Variants in PDE1C observed in about 807,000 individuals in gnomAD.
PDE1C encodes phosphodiesterase 1C.
PDE1C carries 62 observed loss-of-function variants against 93.1 expected under a neutral mutation model. The ratio of observed to expected loss-of-function variants is 0.67; its 90% CI spans 0.54 to 0.82. The LOEUF (loss-of-function observed/expected upper bound fraction) is 0.82, where lower values mean the gene tolerates loss of function less well. PDE1C is among the 40% of genes least tolerant of loss of function. PDE1C has a pLI of 0.00. For synonymous variants in PDE1C, 325 were observed against 310.1 expected, an observed-to-expected ratio of 1.05 and a Z score of -0.50; for missense variants, 742 against 884.6, an observed-to-expected ratio of 0.84 and a Z score of 2.04.
chr7:31,719,357 T>A, the PDE1C span, among the ~76,000 whole-genome samples: 9 of 152,218 alleles, frequency 5.9e-5, no homozygotes, highest in African/African-American at 2.2e-4. Flanking sequence ...GACAGCTGCC[T>A]GTCCTGTGAG....
intron 2 of PDE1C, among the ~76,000 whole-genome samples, chr7:32,010,606 A>C (rs189635561): frequency 3.9e-4 from 59 of 152,334 alleles, no homozygotes; most frequent in Admixed American, 1.3e-3. Context: ...CTGCCATAGA[A>C]AAGTATCACA....
At chr7:31,691,349 T>C in the PDE1C span, among the ~76,000 whole-genome samples, 2 of 152,236 alleles carry the variant, frequency 1.3e-5, no homozygotes, top group Non-Finnish European at 2.9e-5. Context: ...ATCTGCATGC[T>C]GGTTGTCAAG....
At chr7:32,340,932 T>A (rs1562681999) in intron 1 of PDE1C, among the ~76,000 whole-genome samples, 1 of 152,130 alleles carries the variant, frequency 6.6e-6, no homozygotes, top group Non-Finnish European at 1.5e-5. Context: ...TAGATACATG[T>A]CAGTATACAT....
chr7:31,924,008 C>T (rs1029476072), intron 2 of PDE1C, among the ~76,000 whole-genome samples: 1 of 152,100 alleles, frequency 6.6e-6, no homozygotes, highest in Non-Finnish European at 1.5e-5. Context: ...CTGTGTAGCT[C>T]TGGTTTGAAA....
At chr7:31,643,291 C>G in the PDE1C span, 1 of 1,613,820 alleles carries the variant, frequency 6.2e-7, no homozygotes, top group Non-Finnish European at 8.5e-7. Flanking sequence ...AAGCTCATCA[C>G]AGTGTATCCC....
At chr7:32,162,711 T>G (rs1332602796) in intron 3 of PDE1C, among the ~76,000 whole-genome samples, 5 of 152,132 alleles carry the variant, frequency 3.3e-5, no homozygotes, top group Admixed American at 3.3e-4. Context: ...TGGGTTCCTC[T>G]GGGATGCACA....
chr7:31,891,135 T>C (rs187725977), intron 2 of PDE1C, among the ~76,000 whole-genome samples: 42 of 152,270 alleles, frequency 2.8e-4, no homozygotes, highest in African/African-American at 9.4e-4. Context: ...GTTTCCAAGA[T>C]TGTCACAGAA....
chr7:32,222,691 C>G (rs1455343480), intron 1 of PDE1C, among the ~76,000 whole-genome samples: 2 of 152,130 alleles, frequency 1.3e-5, no homozygotes, highest in Non-Finnish European at 2.9e-5. Context: ...TCTCCAGGGT[C>G]GCATGAATGC....
chr7:31,694,419 TTTAATA>T, the PDE1C span, among the ~76,000 whole-genome samples: 13 of 93,668 alleles, frequency 1.4e-4, no homozygotes, highest in East Asian at 4.4e-4. Flanking sequence ...CACACACAGA[TTTAATA>T]TTAATATTAT....
At chr7:32,373,981 A>G (rs1057261389) in intron 1 of PDE1C, among the ~76,000 whole-genome samples, 2 of 150,938 alleles carry the variant, frequency 1.3e-5, no homozygotes, top group Admixed American at 6.6e-5. Flanking sequence ...TAGGCAACAG[A>G]GTGAGACTCT....
chr7:32,326,332 T>C (rs558271793), intron 1 of PDE1C, among the ~76,000 whole-genome samples: 1 of 152,216 alleles, frequency 6.6e-6, no homozygotes, highest in East Asian at 1.9e-4. Context: ...ATATGGATGG[T>C]TTTTAAAGCC....
chr7:31,622,275 T>C, the PDE1C span, among the ~76,000 whole-genome samples: 1 of 125,034 alleles, frequency 8.0e-6, no homozygotes, highest in African/African-American at 2.9e-5. Context: ...TCTACAGAAC[T>C]CTCCACCCCA....
intron 9 of PDE1C, among the ~76,000 whole-genome samples, chr7:31,846,233 C>CTT (rs371624212): frequency 2.3e-4 from 30 of 129,954 alleles, no homozygotes; most frequent in Admixed American, 3.1e-4. Flanking sequence ...CTTTTTTTTT[C>CTT]TTTTTTTTTT....
rs1563202779 is a variant in PDE1C at position 32,019,149 on chromosome 7, T to TA, written c.128+32404_128+32405insT. Among the ~76,000 whole-genome samples, 595 of 145,932 alleles carry TA rather than the reference T, an allele frequency of 4.1e-3. 3 individuals are homozygous for TA. The highest frequency in any genetic ancestry group is 0.014 in the African/African-American group (558 of 38,560). ...GCACCACAAGACACATTATGTTGTT[T>TA]TAAAAAAAAAAAAAAAAAAAAAGCA... On this transcript the variant is annotated intron_variant, in intron 2 of 17. Transcript: ENST00000396191.
chr7:31,829,321 T>C (rs781369755), intron 11 of PDE1C, among the ~76,000 whole-genome samples: 2 of 152,084 alleles, frequency 1.3e-5, no homozygotes, highest in Non-Finnish European at 2.9e-5. Flanking sequence ...AAGAGGAAAA[T>C]GCATGTAAAT....
chr7:31,660,099 G>T, the PDE1C span, among the ~76,000 whole-genome samples: 4 of 152,094 alleles, frequency 2.6e-5, no homozygotes, highest in Admixed American at 6.6e-5. Context: ...GGACATGTTT[G>T]CTTCACCTTC....
chr7:32,125,245 T>C (rs548204327), intron 3 of PDE1C, among the ~76,000 whole-genome samples: 1 of 152,232 alleles, frequency 6.6e-6, no homozygotes, highest in South Asian at 2.1e-4. Context: ...TATGGAGAAA[T>C]AGGAACACTT....
chr7:32,217,879 C>A (rs2128851361), intron 1 of PDE1C, among the ~76,000 whole-genome samples: 1 of 152,340 alleles, frequency 6.6e-6, no homozygotes, highest in East Asian at 1.9e-4. Context: ...AGAAGGCTGT[C>A]CTCTAAACCA....
chr7:32,000,993 CGTGT>C (rs34671338), intron 2 of PDE1C, among the ~76,000 whole-genome samples: 41 of 149,162 alleles, frequency 2.7e-4, no homozygotes, highest in African/African-American at 6.4e-4. Context: ...TGTGTGTATA[CGTGT>C]GTGTGTGTGT....
Sources: allele counts gnomAD v4.1 joint callset (sites outside exome capture counted in the v4.1 genomes callset), GRCh38; gene constraint gnomAD v4.1.1; transcripts MANE v1.5; gene names NCBI Gene and HGNC (gene_info 2026-07-23, HGNC 2026-07-21).